Variants in NBDY observed in about 807,000 individuals in gnomAD.
NBDY encodes the protein negative regulator of P-body association, also known as P-body dissociating protein.
At chrX:56,747,274 G>A (rs182697922) in intron 2 of NBDY, among the ~76,000 whole-genome samples, 1 of 111,995 alleles carries the variant, frequency 8.9e-6, no homozygotes, top group East Asian at 2.8e-4. Flanking sequence ...GGTAAGTTCT[G>A]TAGATAGAGA....
intron 2 of NBDY, among the ~76,000 whole-genome samples, chrX:56,736,844 C>A (rs1184343687): frequency 8.9e-6 from 1 of 111,959 alleles, no homozygotes; most frequent in African/African-American, 3.2e-5. Context: ...AAAATCAAAT[C>A]TATTTGGATA....
At chrX:56,765,908 A>G (rs1235338163) in intron 2 of NBDY, among the ~76,000 whole-genome samples, 1 of 110,544 alleles carries the variant, frequency 9.0e-6, no homozygotes, top group African/African-American at 3.3e-5. Context: ...CACGTGTTCT[A>G]GCAGACTGCT....
intron 2 of NBDY, among the ~76,000 whole-genome samples, chrX:56,767,112 T>C (rs1450724637): frequency 8.8e-6 from 1 of 113,734 alleles, no homozygotes; most frequent in African/African-American, 3.2e-5. Context: ...CACTGCCTTG[T>C]ACTTGGGCGG....
intron 2 of NBDY, among the ~76,000 whole-genome samples, chrX:56,755,127 A>C (rs2069603050): frequency 8.9e-6 from 1 of 111,953 alleles, no homozygotes; most frequent in Non-Finnish European, 1.9e-5. Flanking sequence ...TACACCTTAT[A>C]CAAAAGTTAA....
chrX:56,782,925 C>A (rs769047792), intron 2 of NBDY, among the ~76,000 whole-genome samples: 1 of 112,530 alleles, frequency 8.9e-6, no homozygotes, highest in African/African-American at 3.2e-5. Flanking sequence ...CATGCACACA[C>A]AGACACAAAC....
At position 56,819,056 on chromosome X, in the gene NBDY, G is replaced by A. The variant is rs964843329; in HGVS notation, c.*1903G>A. 1.1e-4 allele frequency: 12 copies of A among 106,325 alleles called. No individual in the cohort carries two copies. Among genetic ancestry groups the A allele is most frequent in the African/African-American group, 3.4e-4 (10 of 29,279 alleles). 8.8% of individuals were successfully genotyped at this position (106,325 alleles called of 1,213,427 possible). On this transcript the variant is annotated 3_prime_UTR_variant, in exon 3 of 3. Transcript: ENST00000374922. ...AAAATACAAAAATTAACTCAAAATA[G>A]GCCAAAGACTCAAATATAAGGGTTA...
At chrX:56,764,892 A>C (rs763999917) in intron 2 of NBDY, among the ~76,000 whole-genome samples, 10 of 110,797 alleles carry the variant, frequency 9.0e-5, no homozygotes, top group Non-Finnish European at 1.7e-4. Context: ...CCCGGGCTTG[A>C]GGGGCTGATG....
At chrX:56,798,853 C>T (rs1014297156) in intron 2 of NBDY, among the ~76,000 whole-genome samples, 6 of 112,056 alleles carry the variant, frequency 5.4e-5, no homozygotes, top group Admixed American at 9.4e-5. Context: ...CCAGTTGGCT[C>T]GTTCCTTTCT....
intron 2 of NBDY, among the ~76,000 whole-genome samples, chrX:56,755,248 A>C (rs1048022286): frequency 8.0e-5 from 9 of 112,526 alleles, no homozygotes; most frequent in Non-Finnish European, 1.7e-4. Flanking sequence ...TTCATGTCTA[A>C]AACACCAAAA....
At chrX:56,780,900 G>A (rs1602659501) in intron 2 of NBDY, among the ~76,000 whole-genome samples, 1 of 100,749 alleles carries the variant, frequency 9.9e-6, no homozygotes, top group Non-Finnish European at 2.0e-5. Context: ...TCTGGACTGC[G>A]TCTTTAGGGT....
chrX:56,783,678 T>C (rs1475163714), intron 2 of NBDY, among the ~76,000 whole-genome samples: 1 of 112,640 alleles, frequency 8.9e-6, no homozygotes, highest in Non-Finnish European at 1.9e-5. Flanking sequence ...TCTCTGTGCC[T>C]GGCAGAAGGC....
chrX:56,807,617 G>A (rs1268769991), intron 2 of NBDY, among the ~76,000 whole-genome samples: 1 of 111,614 alleles, frequency 9.0e-6, no homozygotes, highest in Non-Finnish European at 1.9e-5. Flanking sequence ...CTCTGTGTTT[G>A]TCTGTTCTTG....
chrX:56,744,856 A>G (rs1398528478), intron 2 of NBDY, among the ~76,000 whole-genome samples: 2 of 111,773 alleles, frequency 1.8e-5, no homozygotes, highest in African/African-American at 6.5e-5. Flanking sequence ...TAACAACAAC[A>G]GTAATAAAAT....
intron 2 of NBDY, among the ~76,000 whole-genome samples, chrX:56,748,747 T>C (rs775986711): frequency 9.6e-6 from 1 of 103,743 alleles, no homozygotes; most frequent in Non-Finnish European, 2.0e-5. Context: ...TTAAGTTTAT[T>C]GGTGAATTTA....
At chrX:56,812,167 G>A (rs896688271) in intron 2 of NBDY, among the ~76,000 whole-genome samples, 3 of 109,160 alleles carry the variant, frequency 2.7e-5, no homozygotes, top group Non-Finnish European at 5.7e-5. Context: ...GATCTCGCTG[G>A]GAGCTGCAGA....
chrX:56,745,159 G>A (rs910904928), intron 2 of NBDY, among the ~76,000 whole-genome samples: 6 of 111,501 alleles, frequency 5.4e-5, no homozygotes. Context: ...ACTGATGGGC[G>A]GGTAAGGAAT....
At chrX:56,791,322 G>T (rs2069761609) in intron 2 of NBDY, among the ~76,000 whole-genome samples, 1 of 111,999 alleles carries the variant, frequency 8.9e-6, no homozygotes, top group African/African-American at 3.2e-5. Context: ...GGAGAAATTG[G>T]CATTTCCCTC....
At chrX:56,731,137 A>G (rs2069455719) in intron 1 of NBDY, among the ~76,000 whole-genome samples, 1 of 111,137 alleles carries the variant, frequency 9.0e-6, no homozygotes, top group Admixed American at 9.5e-5. Context: ...AAAAAAATAG[A>G]AATCTATTTT....
At chrX:56,815,119 C>A (rs2069905012) in intron 2 of NBDY, among the ~76,000 whole-genome samples, 1 of 110,695 alleles carries the variant, frequency 9.0e-6, no homozygotes, top group African/African-American at 3.3e-5. Context: ...TCTGAGAAAT[C>A]AGGAAAATTT....
Sources: gnomAD v4.1 joint callset for allele counts (sites outside exome capture counted in the v4.1 genomes callset) on GRCh38, gnomAD v4.1.1 for gene constraint, MANE v1.5 for transcripts, NCBI Gene and HGNC (gene_info 2026-07-23, HGNC 2026-07-21) for gene names.